The following RRM2 variants were observed in gnomAD, a reference collection of about 807,000 sequenced individuals.
RRM2 encodes the protein ribonucleoside-diphosphate reductase subunit M2.
A neutral mutation model predicts 45.9 loss-of-function variants in RRM2; 6 were observed. The ratio of observed to expected loss-of-function variants is 0.13; its 90% CI spans 0.07 to 0.26. The LOEUF (loss-of-function observed/expected upper bound fraction) is 0.26, where lower values mean the gene tolerates loss of function less well. RRM2 is among the 10% of genes least tolerant of loss of function. The probability of loss-of-function intolerance (pLI) is 1.00; values close to 1 mark genes in which losing one functional copy is unlikely to be tolerated. For missense variants in RRM2, 343 were observed against 489.5 expected, an observed-to-expected ratio of 0.70 and a Z score of 2.82; for synonymous variants, 177 against 173.0, an observed-to-expected ratio of 1.02 and a Z score of -0.18.
At chr2:10,194,223 C>T (rs1171693887) in intron 3 of RRM2, among the ~76,000 whole-genome samples, 4 of 152,188 alleles carry the variant, frequency 2.6e-5, no homozygotes, top group Admixed American at 2.0e-4. Flanking sequence ...TGCACAAGGC[C>T]GTGGCCAGCT....
intron 3 of RRM2, chr2:10,155,487 C>T (rs1572506095): frequency 6.5e-6 from 1 of 152,856 alleles, no homozygotes; most frequent in Non-Finnish European, 1.5e-5. Flanking sequence ...TGGTGTGTCC[C>T]CAGCTCAGGC....
chr2:10,207,226 A>G (rs190801297), intron 3 of RRM2, among the ~76,000 whole-genome samples: 61 of 152,194 alleles, frequency 4.0e-4, no homozygotes, highest in African/African-American at 8.7e-4. Flanking sequence ...AGTCACCTCC[A>G]GTCCTGTCAT....
In RRM2 at chr2:10,178,215, C is replaced by G. The variant is rs575862338; in HGVS notation, n.483-32096C>G. Among the ~76,000 whole-genome samples, 7 of 129,668 alleles carry G rather than the reference C, an allele frequency of 5.4e-5. No homozygotes were observed. The East Asian group carries it at 1.2e-3, about 22-fold the overall frequency. The allele number at this position is 129,668 out of a possible 152,430, so 85.1% of individuals were successfully genotyped here. ...TCCTGGGATTACAGGCGTGAGCCAC[C>G]GTGCAGGCTTTTTTTTTTTTTTTTT... On this transcript the variant is annotated intron_variant and non_coding_transcript_variant, in intron 3 of 3. Coordinates refer to the RRM2 transcript ENST00000381786.
At chr2:10,178,453 C>T (rs1663977602) in intron 3 of RRM2, among the ~76,000 whole-genome samples, 1 of 149,860 alleles carries the variant, frequency 6.7e-6, no homozygotes, top group Non-Finnish European at 1.5e-5. Context: ...GAACTCCTGA[C>T]CTCAGGTAAT....
intron 3 of RRM2, among the ~76,000 whole-genome samples, chr2:10,163,530 G>A (rs912281344): frequency 6.6e-5 from 10 of 152,168 alleles, no homozygotes; most frequent in African/African-American, 1.9e-4. Context: ...TGGCCCTCTC[G>A]GCCTCAGTTT....
rs1041567562 is a variant in RRM2, at chr2:10,195,466, T to C, written n.483-14845T>C. On this transcript the variant is annotated intron_variant and non_coding_transcript_variant, in intron 3 of 3. Coordinates refer to the RRM2 transcript ENST00000381786. This position sits in a 1 kb window ranked among gnomAD's most constrained non-coding sequence, Gnocchi z 4.9. ...AGCACCGGAGCCAGCAGCAGGAGCA[T>C]GCGGGGGAGACCTTGGCCCAGCCCT... 1.3e-4 allele frequency among the ~76,000 whole-genome samples: 20 copies of C among 152,114 alleles called. No homozygotes were observed. The highest frequency in any genetic ancestry group is 4.6e-4 in the African/African-American group (19 of 41,410).
intron 3 of RRM2, among the ~76,000 whole-genome samples, chr2:10,184,091 TAAAAAAAAAAAAAAAAAAA>T: frequency 3.3e-5 from 1 of 30,686 alleles, no homozygotes; most frequent in African/African-American, 1.6e-4. Flanking sequence ...AGACTCCATC[TAAAAAAAAAAAAAAAAAAA>T]AAAAAAAAAA....
chr2:10,183,794 CAA>C (rs529549163), intron 3 of RRM2, among the ~76,000 whole-genome samples: 7 of 114,498 alleles, frequency 6.1e-5, no homozygotes, highest in African/African-American at 6.8e-5. Flanking sequence ...GACTCTGTTT[CAA>C]AAAAAAAAAA....
At chr2:10,207,666 A>G (rs992351013) in intron 3 of RRM2, among the ~76,000 whole-genome samples, 4 of 151,912 alleles carry the variant, frequency 2.6e-5, no homozygotes, top group African/African-American at 9.7e-5. Flanking sequence ...CTAATTCATG[A>G]CACTCATCGT....
At chr2:10,139,888 GC>G, upstream of RRM2, among the ~76,000 whole-genome samples, 1 of 152,328 alleles carries the variant, frequency 6.6e-6, no homozygotes, top group Middle Eastern at 3.4e-3. Flanking sequence ...TCAGGAAATA[GC>G]CCGTGGGTGG....
chr2:10,128,788 A>C (rs1023135492), intron 7 of RRM2, 60 bp from the exon 8 acceptor site: 7 of 1,189,730 alleles, frequency 5.9e-6, no homozygotes, highest in African/African-American at 1.5e-5. Context: ...AAGTAATTTC[A>C]TATTCCATGT....
intron 3 of RRM2, among the ~76,000 whole-genome samples, chr2:10,190,797 G>A (rs569778965): frequency 0.024 from 3,626 of 148,772 alleles, 109 homozygotes; most frequent in African/African-American, 0.088. Flanking sequence ...GGTGATGGTG[G>A]GGTTGGTGGT....
At chr2:10,141,997 G>A in intron 2 of RRM2, 1 of 1,571,054 alleles carries the variant, frequency 6.4e-7, no homozygotes, top group South Asian at 1.2e-5. Context: ...GGAAAGCAGG[G>A]AGGAAGGGGC....
rs570161976 is a variant in RRM2 at position 10,204,689 on chromosome 2, GCTGA to G, written n.483-5619_483-5616del. On this transcript the variant is annotated intron_variant and non_coding_transcript_variant, in intron 3 of 3. Coordinates refer to the RRM2 transcript ENST00000381786. The surrounding 1 kb of genome is among the most constrained non-coding windows in gnomAD (Gnocchi z 4.0). Reference sequence around the variant, plus strand: ...GCCTGGCTTTTGTGAACACGTCTGCGCTGACTAATTTGTTTAATTACTCATTGCC... The same window carrying G: ...GCCTGGCTTTTGTGAACACGTCTGCGCTAATTTGTTTAATTACTCATTGCC... Among the ~76,000 whole-genome samples, 1 of 152,242 alleles carries G rather than the reference GCTGA, an allele frequency of 6.6e-6. No individual in the cohort carries two copies. Among genetic ancestry groups the G allele is most frequent in the African/African-American group, 2.4e-5 (1 of 41,470 alleles).
chr2:10,182,363 A>C (rs922577517), intron 3 of RRM2, among the ~76,000 whole-genome samples: 3 of 146,716 alleles, frequency 2.0e-5, no homozygotes, highest in African/African-American at 5.0e-5. Flanking sequence ...ACAAACAAAC[A>C]AACAAAAAAA....
upstream of RRM2, among the ~76,000 whole-genome samples, chr2:10,140,064 CAG>C (rs1168110638): frequency 5.9e-5 from 9 of 152,136 alleles, no homozygotes; most frequent in Admixed American, 4.6e-4. Flanking sequence ...CTGGCTAACA[CAG>C]AGAAAGCCCC....
chr2:10,203,044 G>C (rs528719725), intron 3 of RRM2, among the ~76,000 whole-genome samples: 1 of 152,332 alleles, frequency 6.6e-6, no homozygotes, highest in South Asian at 2.1e-4. Context: ...AAAGGCCAGC[G>C]AGGGAGAAGT....
downstream of RRM2, among the ~76,000 whole-genome samples, chr2:10,133,503 T>C (rs981216929): frequency 1.3e-5 from 2 of 152,166 alleles, no homozygotes; most frequent in Non-Finnish European, 2.9e-5. Flanking sequence ...GAGATCCTGA[T>C]AATGGTTTAA....
chr2:10,207,074 A>G (rs1664677909), intron 3 of RRM2, among the ~76,000 whole-genome samples: 1 of 152,184 alleles, frequency 6.6e-6, no homozygotes, highest in Non-Finnish European at 1.5e-5. Flanking sequence ...CAAACTCAGT[A>G]TGTCCAGAAA....
Sources: allele counts gnomAD v4.1 joint callset (sites outside exome capture counted in the v4.1 genomes callset), GRCh38; gene constraint gnomAD v4.1.1; non-coding constraint Gnocchi (gnomAD v3.1); transcripts MANE v1.5; gene names NCBI Gene and HGNC (gene_info 2026-07-23, HGNC 2026-07-21).